UBR2: variants seen among roughly 807,000 people sequenced by gnomAD.
The protein encoded by UBR2 is E3 ubiquitin-protein ligase UBR2.
Under a neutral mutation model 247.9 loss-of-function variants are expected in UBR2, and 92 were observed. That is an observed-to-expected ratio of 0.37 (90% confidence interval 0.31 to 0.44). UBR2 has a LOEUF of 0.44. Among genes scored for constraint, UBR2 ranks in the 20% least tolerant of loss-of-function variants. UBR2 has a pLI of 1.00. For synonymous variants in UBR2, 672 were observed against 693.5 expected (o/e 0.97, Z 0.49); for missense variants, 1,613 against 2,112.6 (o/e 0.76, Z 4.64).
intron 41 of UBR2, 125 bp downstream of exon 41, chr6:42,678,794 A>G: frequency 9.4e-7 from 1 of 1,062,072 alleles, no homozygotes; most frequent in Admixed American, 2.6e-5. Context: ...GACTATGGTG[A>G]TGTACACATT....
chr6:42,598,123 G>A (rs1180276618), intron 4 of UBR2, among the ~76,000 whole-genome samples: 1 of 152,000 alleles, frequency 6.6e-6, no homozygotes, highest in African/African-American at 2.4e-5. Context: ...TTGGGGGTGA[G>A]ATATTTCTTC....
intron 1 of UBR2, among the ~76,000 whole-genome samples, chr6:42,564,607 T>C (rs1465005504): frequency 2.0e-5 from 3 of 152,236 alleles, no homozygotes; most frequent in East Asian, 3.9e-4. Flanking sequence ...CGCTGTGCAC[T>C]AACTACGTTT....
At chr6:42,628,433 C>T (rs922090397) in intron 11 of UBR2, among the ~76,000 whole-genome samples, 1 of 147,774 alleles carries the variant, frequency 6.8e-6, no homozygotes, top group Non-Finnish European at 1.5e-5. Flanking sequence ...GGTCAAGACC[C>T]AGTACTGGCC....
At chr6:42,578,509 G>A (rs374640120) in intron 2 of UBR2, among the ~76,000 whole-genome samples, 3 of 151,924 alleles carry the variant, frequency 2.0e-5, no homozygotes, top group South Asian at 2.1e-4. Context: ...ATTTTTTTAC[G>A]TTTTTTAGGG....
At chr6:42,657,676 C>A (rs1797519143) in intron 26 of UBR2, among the ~76,000 whole-genome samples, 1 of 152,176 alleles carries the variant, frequency 6.6e-6, no homozygotes, top group African/African-American at 2.4e-5. Context: ...CATATTTGTG[C>A]ATATATGCAC....
At chr6:42,603,998 A>G (rs1225457787) in intron 5 of UBR2, among the ~76,000 whole-genome samples, 3 of 152,208 alleles carry the variant, frequency 2.0e-5, no homozygotes, top group African/African-American at 4.8e-5. Flanking sequence ...ATTGTATGAT[A>G]AAATGATAGA....
chr6:42,614,354 G>A (rs1278001289), intron 8 of UBR2, among the ~76,000 whole-genome samples: 2 of 37,904 alleles, frequency 5.3e-5, no homozygotes, highest in East Asian at 1.6e-3. Context: ...GTATGTATGT[G>A]TGTATATATG....
rs751801434 is a variant in UBR2 at position 42,693,148 on chromosome 6, C to A, written c.*1975C>A. On this transcript the variant is annotated 3_prime_UTR_variant, in exon 47 of 47. Transcript: ENST00000372901. ...ATACTCCAGCTTTCCGGTCCGACTT[C>A]CTAGGAGCCTGGAGTTAGCAAAGGT... is the stretch of plus-strand genomic sequence containing the variant. 2.3e-5 allele frequency: 2 copies of A among 86,784 alleles called. No individual in the cohort carries two copies. Among genetic ancestry groups the A allele is most frequent in the Admixed American group, 2.8e-4 (2 of 7,240 alleles). 5.4% of individuals were successfully genotyped at this position (86,784 alleles called of 1,614,324 possible). A position where few individuals can be genotyped will look rare whatever the true frequency, so the allele number is the denominator to read the frequency against.
Position 42,652,505 on chromosome 6 carries a change from G to A in UBR2, c.2629G>A (p.Val877Met), listed in dbSNP as rs1158133190. ...NREDTALPPP[V>M]LPPFCPLFAS... ...TGTATTTTCAGCACTCCCACCTCCG[G>A]TGTTGCCTCCATTCTGCCCTCTGTT... Residue 877 changes from valine to methionine, a missense_variant, in exon 25 of 47, where the codon GTG becomes ATG. This residue lies in a region of UBR2 where 1,524 missense variants were observed against 1,967.3 expected (regional missense o/e 0.77). Transcript: ENST00000372901. 6.2e-7 allele frequency: 1 copy of A among 1,607,070 alleles called. No individual in the cohort carries two copies. The highest frequency in any genetic ancestry group is 1.3e-5 in the African/African-American group (1 of 74,532).
chr6:42,663,246 C>G lies in UBR2; in HGVS notation c.3537-12C>G. ...CCATTGTTTTGATACCTCATGTTCT[C>G]TAATTGTAAAGGTATTTTGATTCCG... On this transcript the variant is annotated splice_polypyrimidine_tract_variant and intron_variant, in intron 31 of 46. Coordinates refer to ENST00000372901, the MANE Select transcript of UBR2 (RefSeq NM_001363705.2). 6.3e-7 allele frequency: 1 copy of G among 1,584,798 alleles called. No homozygotes were observed. Among genetic ancestry groups the G allele is most frequent in the South Asian group, 1.2e-5 (1 of 86,932 alleles).
chr6:42,617,575 C>G, intron 11 of UBR2, 68 bp downstream of exon 11: 1 of 1,360,838 alleles, frequency 7.3e-7, no homozygotes, highest in Non-Finnish European at 1.0e-6. Context: ...TAATAGAGAA[C>G]TAAAGTCTGT....
intron 11 of UBR2, chr6:42,619,451 A>ATTTTTTTTTT (rs1310062071): frequency 4.3e-5 from 1 of 23,018 alleles, no homozygotes; most frequent in African/African-American, 1.1e-4. Flanking sequence ...ATATATATAT[A>ATTTTTTTTTT]TATTTTTTTT....
intron 2 of UBR2, among the ~76,000 whole-genome samples, chr6:42,577,390 G>A (rs1026649181): frequency 6.6e-6 from 1 of 152,082 alleles, no homozygotes; most frequent in East Asian, 1.9e-4. Flanking sequence ...AATTGTGTTG[G>A]TCACAAATTA....
chr6:42,635,828 A>G (rs1469426037), intron 14 of UBR2, among the ~76,000 whole-genome samples: 1 of 152,198 alleles, frequency 6.6e-6, no homozygotes, highest in East Asian at 1.9e-4. Context: ...TGAGGATATA[A>G]AAATGGTAGT....
chr6:42,635,292 T>C, intron 13 of UBR2, 126 bp from the exon 14 acceptor site: 1 of 895,744 alleles, frequency 1.1e-6, no homozygotes, highest in East Asian at 2.7e-5. Context: ...TGAAGTTTCC[T>C]GTTAAAACTT....
rs1198312295 is a variant in UBR2, at chr6:42,689,999, G to C, written c.5126+329G>C. ...GGCCCACTCTGACTTGTATGGCCTT[G>C]TATAGAGGAAGCCCAGTGTTTGAGA... On this transcript the variant is annotated intron_variant, in intron 46 of 46. Transcript: ENST00000372901. This position sits in a 1 kb window ranked among gnomAD's most constrained non-coding sequence, Gnocchi z 4.0. 6.6e-6 allele frequency among the ~76,000 whole-genome samples: 1 copy of C among 152,190 alleles called. No homozygotes were observed. The highest frequency in any genetic ancestry group is 1.9e-4 in the East Asian group (1 of 5,202).
chr6:42,602,625 GTA>G (rs1049879367), intron 4 of UBR2, among the ~76,000 whole-genome samples: 26 of 150,024 alleles, frequency 1.7e-4, no homozygotes, highest in African/African-American at 5.4e-4. Context: ...GTGTGTGTGT[GTA>G]TATATACATT....
rs143888742 is a variant in UBR2 at position 42,574,314 on chromosome 6, A to C, written c.338+321A>C. Among the ~76,000 whole-genome samples the C allele has an allele frequency of 4.1e-3, 630 of 152,232 alleles. 2 individuals are homozygous for C. Among genetic ancestry groups the C allele is most frequent in the African/African-American group, 0.015 (609 of 41,534 alleles). On this transcript the variant is annotated intron_variant, in intron 2 of 46. Coordinates refer to ENST00000372901, the MANE Select transcript of UBR2 (RefSeq NM_001363705.2). ...TTTAGTTACAGTAATTCTGATGTTC[A>C]AATTGCCATAGATTTGGCTAGTGAG...
intron 35 of UBR2, 22 bp downstream of exon 35, chr6:42,670,262 C>G (rs765280276): frequency 6.2e-7 from 1 of 1,605,790 alleles, no homozygotes; most frequent in South Asian, 1.1e-5. Context: ...ACAGCTGTTT[C>G]TCTATAAGTC....
Sources: gnomAD v4.1 joint callset for allele counts (sites outside exome capture counted in the v4.1 genomes callset) on GRCh38, gnomAD v4.1.1 for gene constraint, gnomAD v4.1.1 regional missense constraint, Gnocchi (gnomAD v3.1) non-coding constraint, MANE v1.5 for transcripts, NCBI Gene and HGNC (gene_info 2026-07-23, HGNC 2026-07-21) for gene names.